Variants in DDAH1 observed in about 807,000 individuals in gnomAD.
DDAH1 encodes N(G),N(G)-dimethylarginine dimethylaminohydrolase 1.
Under a neutral mutation model 28.8 loss-of-function variants are expected in DDAH1, and 19 were observed. That is an observed-to-expected ratio of 0.66 (90% CI 0.46 to 0.97). The LOEUF (loss-of-function observed/expected upper bound fraction) is 0.97. DDAH1 is among the 50% of genes least tolerant of loss of function. DDAH1 has a pLI of 0.00. For synonymous variants in DDAH1, 153 were observed against 154.4 expected (o/e 0.99, Z 0.07); for missense variants, 326 against 375.9 (o/e 0.87, Z 1.10).
At chr1:85,566,081 C>A (rs376891404) in intron 1 of DDAH1, among the ~76,000 whole-genome samples, 139 of 143,000 alleles carry the variant, frequency 9.7e-4, no homozygotes, top group South Asian at 1.8e-3. Flanking sequence ...AACTCTGTCT[C>A]AAAAAAAAAA....
At chr1:85,421,340 T>C (rs1217649992) in intron 1 of DDAH1, among the ~76,000 whole-genome samples, 1 of 152,218 alleles carries the variant, frequency 6.6e-6, no homozygotes, top group Non-Finnish European at 1.5e-5. Context: ...ATTTCCAAAG[T>C]TACTGAGGTC....
chr1:85,420,486 A>G (rs1053402497), intron 1 of DDAH1, among the ~76,000 whole-genome samples: 4 of 152,324 alleles, frequency 2.6e-5, no homozygotes, highest in Admixed American at 2.6e-4. Context: ...CTTCTGCCAG[A>G]TAGATACCCT....
chr1:85,349,041 C>T (rs1649038453), intron 4 of DDAH1, among the ~76,000 whole-genome samples: 1 of 152,084 alleles, frequency 6.6e-6, no homozygotes, highest in South Asian at 2.1e-4. Flanking sequence ...TACCACAGTC[C>T]CTAAGGAGAA....
chr1:85,565,744 TG>T (rs1659277871), intron 1 of DDAH1, among the ~76,000 whole-genome samples: 3 of 152,216 alleles, frequency 2.0e-5, no homozygotes, highest in Non-Finnish European at 4.4e-5. Context: ...AAAAGACTTT[TG>T]TCTCATTTTG....
intron 1 of DDAH1, among the ~76,000 whole-genome samples, chr1:85,498,778 C>T (rs1468759836): frequency 1.3e-5 from 2 of 151,952 alleles, no homozygotes; most frequent in Non-Finnish European, 2.9e-5. Flanking sequence ...AAAAATTAGC[C>T]GGAGGTAGTG....
At chr1:85,509,606 A>G (rs1657151493) in intron 1 of DDAH1, among the ~76,000 whole-genome samples, 1 of 152,212 alleles carries the variant, frequency 6.6e-6, no homozygotes, top group South Asian at 2.1e-4. Context: ...GATTAGACAA[A>G]TGGCTAACTA....
chr1:85,504,064 G>A (rs1656922516), intron 1 of DDAH1, among the ~76,000 whole-genome samples: 1 of 152,220 alleles, frequency 6.6e-6, no homozygotes, highest in South Asian at 2.1e-4. Context: ...TGATGATATT[G>A]CTCAAAGATC....
intron 2 of DDAH1, among the ~76,000 whole-genome samples, chr1:85,355,485 T>C (rs1033028202): frequency 6.6e-6 from 1 of 152,136 alleles, no homozygotes; most frequent in African/African-American, 2.4e-5. Flanking sequence ...AAAAAGAGAA[T>C]ACATCATGAT....
Position 85,324,859 on chromosome 1 carries a change from G to C in DDAH1, c.622C>G (p.Arg208Gly), listed in dbSNP as rs377746010. 1.5e-5 allele frequency: 25 copies of C among 1,614,042 alleles called. No individual in the cohort carries two copies. Among genetic ancestry groups the C allele is most frequent in the Non-Finnish European group, 2.1e-5 (25 of 1,179,988 alleles). Residue 208 changes from arginine (R) to glycine (G), a missense_variant, in exon 5 of 6, where the codon CGC (arginine) becomes GGC (glycine). Physicochemically the swap from Arg to Gly is moderately radical, Grantham distance 125 (BLOSUM62 -2). Coordinates refer to ENST00000284031, the MANE Select transcript of DDAH1 (RefSeq NM_012137.4). ...TCAGGCACAGTGAGTTTGTCGTAGC[G>C]GTGGTCACTCATCTGTTGCATGATC... ...LKIMQQMSDH[R>G]YDKLTVPDDI... is the part of the protein sequence containing the mutation.
rs150887138 is a variant in DDAH1, at chr1:85,364,003, C to T, written c.304-5156G>A. Among the ~76,000 whole-genome samples the T allele has an allele frequency of 4.8e-3, 729 of 151,086 alleles. 2 individuals are homozygous for T. Among genetic ancestry groups the T allele is most frequent in the African/African-American group, 0.017 (699 of 41,034 alleles). Reference sequence around the variant, plus strand: ...AAATTAATCTAGTGGAACAGATACACCTTCTGAATATATAGTGACAATAAA... The same window carrying T: ...AAATTAATCTAGTGGAACAGATACATCTTCTGAATATATAGTGACAATAAA... On this transcript the variant is annotated intron_variant, in intron 1 of 5. Transcript: ENST00000284031.
Position 85,464,541 on chromosome 1 carries a change from C to G in DDAH1, c.303+202G>C, listed in dbSNP as rs1186493914. The G allele has an allele frequency of 1.3e-6, 2 of 1,528,852 alleles. No homozygotes were observed. Among genetic ancestry groups the G allele is most frequent in the Admixed American group, 3.9e-5 (2 of 50,778 alleles). The allele number at this position is 1,528,852 out of a possible 1,614,324, so 94.7% of individuals were successfully genotyped here. A position where few individuals can be genotyped will look rare whatever the true frequency, so the allele number is the denominator to read the frequency against. The stretch of plus-strand genomic sequence containing the variant: ...ACATTGAATCGGATCCTCCAGAAGG[C>G]TGCCGGCAGCCGGGAGGTGTGAACA... On this transcript the variant is annotated intron_variant, in intron 1 of 5. Coordinates refer to ENST00000284031, the MANE Select transcript of DDAH1 (RefSeq NM_012137.4). The surrounding 1 kb of genome is among the most constrained non-coding windows in gnomAD (Gnocchi z 4.4).
At chr1:85,570,456 G>A (rs1222988831) in intron 1 of DDAH1, among the ~76,000 whole-genome samples, 1 of 151,570 alleles carries the variant, frequency 6.6e-6, no homozygotes, top group East Asian at 1.9e-4. Context: ...TCTCAAAGCA[G>A]TCTTCCAGGT....
At chr1:85,325,206 G>A (rs1017740973) in intron 4 of DDAH1, among the ~76,000 whole-genome samples, 1 of 152,214 alleles carries the variant, frequency 6.6e-6, no homozygotes, top group Non-Finnish European at 1.5e-5. Context: ...ATGGCCACAT[G>A]TAAGGCCCAG....
At chr1:85,418,938 G>A (rs17384213) in intron 1 of DDAH1, among the ~76,000 whole-genome samples, 19,816 of 152,096 alleles carry the variant, frequency 0.13, 1,571 homozygotes, top group South Asian at 0.29. Flanking sequence ...TGCTCATATC[G>A]TAGTTGGGTT....
intron 1 of DDAH1, among the ~76,000 whole-genome samples, chr1:85,499,930 C>T (rs1478239630): frequency 6.6e-6 from 1 of 152,138 alleles, no homozygotes; most frequent in African/African-American, 2.4e-5. Flanking sequence ...TGAGTTTCTA[C>T]CTGGTATCAT....
At chr1:85,481,428 C>T (rs1450820196) in intron 2 of DDAH1, among the ~76,000 whole-genome samples, 1 of 152,032 alleles carries the variant, frequency 6.6e-6, no homozygotes, top group South Asian at 2.1e-4. Context: ...AGAGTTATGT[C>T]TAGTCCAAAT....
rs1036186782 is a variant in DDAH1, at chr1:85,367,025, G to C, written c.304-8178C>G. ...GTTTTCTTATTTATATTCACATGCA[G>C]TATAGTAGATTTCATCAACTTTGGG... On this transcript the variant is annotated intron_variant, in intron 1 of 5. Transcript: ENST00000284031. Among the ~76,000 whole-genome samples, 3 of 152,182 alleles carry C rather than the reference G, an allele frequency of 2.0e-5. No individual in the cohort carries two copies. The East Asian group carries it at 5.8e-4, about 29-fold the overall frequency.
chr1:85,492,578 G>A (rs1656444760), intron 2 of DDAH1, among the ~76,000 whole-genome samples: 1 of 152,076 alleles, frequency 6.6e-6, no homozygotes, highest in Admixed American at 6.6e-5. Flanking sequence ...TCAGCACGTG[G>A]AATTTCCTTT....
chr1:85,416,398 T>G (rs1393417083), intron 1 of DDAH1, among the ~76,000 whole-genome samples: 2 of 152,170 alleles, frequency 1.3e-5, no homozygotes, highest in East Asian at 3.9e-4. Flanking sequence ...TTTCAACATG[T>G]TGGCCAGGCT....
Sources: allele counts gnomAD v4.1 joint callset (sites outside exome capture counted in the v4.1 genomes callset), GRCh38; gene constraint gnomAD v4.1.1; non-coding constraint Gnocchi (gnomAD v3.1); transcripts MANE v1.5; gene names NCBI Gene and HGNC (gene_info 2026-07-23, HGNC 2026-07-21).